The following C12orf71 variants were observed in gnomAD, a reference collection of about 807,000 sequenced individuals.
C12orf71 encodes chromosome 12 open reading frame 71.
Under a neutral mutation model 11.7 loss-of-function variants are expected in C12orf71, and 10 were observed. That is an observed-to-expected ratio of 0.86 (90% CI 0.53 to 1.45). C12orf71 has a LOEUF of 1.45. Ranked by LOEUF, C12orf71 falls within the 40% of genes most tolerant of loss-of-function variation. The probability of loss-of-function intolerance (pLI) is 0.00; values close to 1 mark genes in which losing one functional copy is unlikely to be tolerated. For synonymous variants in C12orf71, 110 were observed against 123.4 expected, an observed-to-expected ratio of 0.89 and a Z score of 0.72; for missense variants, 293 against 325.8, an observed-to-expected ratio of 0.90 and a Z score of 0.78.
At chr12:27,083,173 G>A (rs536671394), upstream of C12orf71, among the ~76,000 whole-genome samples, 22 of 152,188 alleles carry the variant, frequency 1.4e-4, no homozygotes, top group African/African-American at 5.1e-4. Context: ...ACCTGACCTC[G>A]TGATCTACCT....
chr12:27,081,900 A>C (rs1364935249), intron 1 of C12orf71, 68 bp downstream of exon 1: 1 of 1,470,930 alleles, frequency 6.8e-7, no homozygotes, highest in Non-Finnish European at 9.3e-7. Context: ...AGACTACATA[A>C]CATCTTTATT....
upstream of C12orf71, chr12:27,082,614 C>CTTTT: frequency 7.6e-6 from 4 of 524,122 alleles, no homozygotes; most frequent in Non-Finnish European, 1.2e-5. Context: ...TCTCTTTTTT[C>CTTTT]TTTTTTTTTT....
intron 1 of C12orf71, among the ~76,000 whole-genome samples, 173 bp from the exon 2 acceptor site, chr12:27,081,640 T>C (rs765064292): frequency 6.6e-6 from 1 of 152,182 alleles, no homozygotes; most frequent in Admixed American, 6.5e-5. Flanking sequence ...GAGGGAGATA[T>C]AGTTAGCCCT....
At position 27,082,075 on chromosome 12, in the gene C12orf71, C is replaced by G; in HGVS notation, c.409G>C (p.Glu137Gln). The change falls in exon 1 of 2, where the codon GAG (glutamate) becomes CAG (glutamine). Residue 137 changes from glutamate (E) to glutamine (Q), a missense_variant. Transcript: ENST00000429849. ...AGATTTTCTAGAAATATCTGAAACT[C>G]TTGCACAAGATTATTCAGTTTGCCA... ...SVGKLNNLVQ[E>Q]FQIFLENLKD... is the part of the protein sequence containing the mutation. 2 of 1,608,898 alleles carry G rather than the reference C, an allele frequency of 1.2e-6. No homozygotes were observed. The highest frequency in any genetic ancestry group is 1.7e-6 in the Non-Finnish European group (2 of 1,177,196).
rs780403722 is a variant in C12orf71 at position 27,081,810 on chromosome 12, G to A, written c.516+158C>T. ...CATAAGATTCTGTGGTTCAACCCAGGCCTATCCCTTCCTGTCCTGTGAGGC... is the reference window on the plus strand; with the variant it reads ...CATAAGATTCTGTGGTTCAACCCAGACCTATCCCTTCCTGTCCTGTGAGGC... On this transcript the variant is annotated intron_variant, in intron 1 of 1. Coordinates refer to ENST00000429849, the MANE Select transcript of C12orf71 (RefSeq NM_001080406.2). 28 of 832,288 alleles carry A rather than the reference G, an allele frequency of 3.4e-5. No individual in the cohort carries two copies. In the African/African-American group the frequency reaches 3.7e-4, roughly 11 times the overall value. 51.6% of individuals were successfully genotyped at this position (832,288 alleles called of 1,614,324 possible).
chr12:27,082,626 T>TC, upstream of C12orf71: 1 of 668,952 alleles, frequency 1.5e-6, no homozygotes, highest in African/African-American at 1.9e-5. Flanking sequence ...TTTTTTTTTT[T>TC]TGAGACGAAG....
chr12:27,082,251 T>A lies in C12orf71; in HGVS notation c.233A>T (p.Asp78Val). 1 of 1,612,866 alleles carries A rather than the reference T, an allele frequency of 6.2e-7. No homozygotes were observed. The highest frequency in any genetic ancestry group is 8.5e-7 in the Non-Finnish European group (1 of 1,179,360). The change falls in exon 1 of 2, where the codon GAT becomes GTT. Residue 78 changes from aspartate to valine, a missense_variant. Asp to Val is a radical substitution (Grantham distance 152, BLOSUM62 -3). Transcript: ENST00000429849. Reference sequence around the variant, plus strand: ...TAGTTTGCAAAACTGCTCTGGTTCATCCTGAATTTGGTCTTGTCTCTTCAT... The same window carrying A: ...TAGTTTGCAAAACTGCTCTGGTTCAACCTGAATTTGGTCTTGTCTCTTCAT... The part of the protein sequence containing the change: ...RRMKRQDQIQ[D>V]EPEQFCKLSI...
intron 1 of C12orf71, 183 bp downstream of exon 1, chr12:27,081,782 GGTC>G (rs1941934937): frequency 8.0e-6 from 6 of 746,102 alleles, no homozygotes; most frequent in East Asian, 5.3e-5. Context: ...TCCTCCTAGT[GGTC>G]ATAAGATTCT....
At chr12:27,081,732 G>A (rs1003360795) in intron 1 of C12orf71, 20 of 703,730 alleles carry the variant, frequency 2.8e-5, no homozygotes, top group South Asian at 2.8e-4. Flanking sequence ...TTTCCTTGTT[G>A]TCTCCCACTG....
At chr12:27,081,882 G>A (rs1373984670) in intron 1 of C12orf71, 86 bp downstream of exon 1, 1 of 1,335,888 alleles carries the variant, frequency 7.5e-7, no homozygotes, top group Non-Finnish European at 1.0e-6. Context: ...CCTTAGAGGA[G>A]TCTGTGGAGA....
rs1172087384 is a variant in C12orf71, at chr12:27,081,358, C to T, written c.626G>A (p.Cys209Tyr). The T allele has an allele frequency of 6.2e-7, 1 of 1,613,966 alleles. No individual in the cohort carries two copies. The highest frequency in any genetic ancestry group is 8.5e-7 in the Non-Finnish European group (1 of 1,179,868). The change falls in exon 2 of 2, where the codon TGC (cysteine) becomes TAC (tyrosine). Residue 209 changes from cysteine (C) to tyrosine (Y), a missense_variant. Transcript: ENST00000429849. The stretch of plus-strand genomic sequence containing the variant: ...GAAGGCCCACCCAAAGTTCAGGCAG[C>T]ACTGGGCCTGTGTGTGTGAAGGAGT... Reference protein sequence around the residue: ...DDTPSHTQAQCCLNFGWAFSW... With the variant: ...DDTPSHTQAQYCLNFGWAFSW...
upstream of C12orf71, among the ~76,000 whole-genome samples, chr12:27,082,872 C>T (rs1250379144): frequency 1.3e-5 from 2 of 151,900 alleles, no homozygotes; most frequent in Admixed American, 6.6e-5. Flanking sequence ...CCACCACACC[C>T]GGCCCCATTC....
In C12orf71 at chr12:27,081,140, T is replaced by G. The variant is rs771077595; in HGVS notation, c.*34A>C. 1 of 1,497,124 alleles carries G rather than the reference T, an allele frequency of 6.7e-7. No homozygotes were observed. Among genetic ancestry groups the G allele is most frequent in the Non-Finnish European group, 9.1e-7 (1 of 1,101,914 alleles). 92.7% of individuals were successfully genotyped at this position (1,497,124 alleles called of 1,614,324 possible). A position where few individuals can be genotyped will look rare whatever the true frequency, so the allele number is the denominator to read the frequency against. ...TATTAATGGAATCCTTATTATGGATTATTTTAAACTTTCCAAAAAGTTTAA... is the reference window on the plus strand; with the variant it reads ...TATTAATGGAATCCTTATTATGGATGATTTTAAACTTTCCAAAAAGTTTAA... On this transcript the variant is annotated 3_prime_UTR_variant, in exon 2 of 2. Transcript: ENST00000429849.
upstream of C12orf71, among the ~76,000 whole-genome samples, chr12:27,082,878 C>T (rs1386975420): frequency 1.3e-5 from 2 of 151,870 alleles, no homozygotes; most frequent in East Asian, 1.9e-4. Context: ...CACCCGGCCC[C>T]ATTCCCTTTT....
upstream of C12orf71, chr12:27,082,599 T>G: frequency 7.0e-6 from 5 of 711,700 alleles, no homozygotes; most frequent in Non-Finnish European, 1.0e-5. Context: ...CATTATCCAT[T>G]CCCTTCTCTT....
rs1484100729 is a variant in C12orf71, at chr12:27,081,468, C to A, written c.517-1G>T. On this transcript the variant is annotated splice_acceptor_variant, in intron 1 of 1. Transcript: ENST00000429849. LOFTEE classifies it high-confidence loss of function. ...GGCTGGCGGTTGCCTGGCTTATCAT[C>A]TGCCATGAAAATGAAGGATGTGTTA... 1 of 1,604,472 alleles carries A rather than the reference C, an allele frequency of 6.2e-7. No homozygotes were observed. The highest frequency in any genetic ancestry group is 8.5e-7 in the Non-Finnish European group (1 of 1,173,046).
upstream of C12orf71, among the ~76,000 whole-genome samples, chr12:27,083,946 A>T (rs1463743224): frequency 2.0e-5 from 3 of 152,212 alleles, no homozygotes; most frequent in Admixed American, 6.5e-5. Flanking sequence ...GTGCACGTGC[A>T]TGCACGCGTG....
chr12:27,081,066 A>T lies in C12orf71; in HGVS notation c.*108T>A. ...TGCTGGGAGAGGAAGATGTGGGGTA[A>T]CAAGAGCATTTATTTTGTTTATTGA... On this transcript the variant is annotated 3_prime_UTR_variant, in exon 2 of 2. Transcript: ENST00000429849. 1.2e-6 allele frequency: 1 copy of T among 819,188 alleles called. No homozygotes were observed. Among genetic ancestry groups the T allele is most frequent in the Non-Finnish European group, 1.9e-6 (1 of 523,970 alleles). The allele number at this position is 819,188 out of a possible 1,614,324, so 50.7% of individuals were successfully genotyped here. A position where few individuals can be genotyped will look rare whatever the true frequency, so the allele number is the denominator to read the frequency against.
At chr12:27,083,515 A>G (rs1941953963), upstream of C12orf71, among the ~76,000 whole-genome samples, 1 of 152,230 alleles carries the variant, frequency 6.6e-6, no homozygotes, top group East Asian at 1.9e-4. Context: ...GGACTTCCTT[A>G]TCTTTTCTAT....
Sources: allele counts gnomAD v4.1 joint callset (sites outside exome capture counted in the v4.1 genomes callset), GRCh38; gene constraint gnomAD v4.1.1; transcripts MANE v1.5; gene names NCBI Gene and HGNC (gene_info 2026-07-23, HGNC 2026-07-21).